TPST1: variants seen among roughly 807,000 people sequenced by gnomAD.
TPST1 encodes the protein protein-tyrosine sulfotransferase 1.
TPST1 carries 20 observed loss-of-function variants against 34.8 expected under a neutral mutation model. That is an observed-to-expected ratio of 0.57 (90% CI 0.40 to 0.84). The LOEUF is 0.84. Among genes scored for constraint, TPST1 ranks in the 40% least tolerant of loss-of-function variants. TPST1 has a pLI of 0.00. For synonymous variants in TPST1, 152 were observed against 159.4 expected, an observed-to-expected ratio of 0.95 and a Z score of 0.35; for missense variants, 353 against 455.5, an observed-to-expected ratio of 0.78 and a Z score of 2.05.
intron 3 of TPST1, among the ~76,000 whole-genome samples, chr7:66,337,442 G>A (rs1792143735): frequency 1.3e-5 from 2 of 151,584 alleles, no homozygotes. Context: ...CCGAGTAACT[G>A]GGATTACAGA....
chr7:66,259,054 A>G (rs982940411), intron 2 of TPST1, among the ~76,000 whole-genome samples: 2 of 152,202 alleles, frequency 1.3e-5, no homozygotes, highest in African/African-American at 4.8e-5. Flanking sequence ...ACCTGCTGTC[A>G]ATAATTGTCA....
chr7:66,241,362 G>A (rs1262509959), intron 2 of TPST1, 92 bp downstream of exon 2: 25 of 1,432,868 alleles, frequency 1.7e-5, no homozygotes, highest in Non-Finnish European at 2.3e-5. Context: ...ATATATGTGT[G>A]TATGTTCCTG....
intron 3 of TPST1, among the ~76,000 whole-genome samples, chr7:66,303,241 G>A (rs1455558686): frequency 1.3e-5 from 2 of 151,090 alleles, no homozygotes; most frequent in Non-Finnish European, 2.9e-5. Context: ...TCTTTGTTTA[G>A]TTAAAGTAAC....
chr7:66,321,470 C>T (rs1283044236), intron 3 of TPST1, among the ~76,000 whole-genome samples: 2 of 152,214 alleles, frequency 1.3e-5, no homozygotes, highest in Non-Finnish European at 2.9e-5. Context: ...GGCCCAAGGC[C>T]TCAGACACAT....
intron 1 of TPST1, among the ~76,000 whole-genome samples, chr7:66,212,815 C>T (rs1562797053): frequency 6.6e-6 from 1 of 151,960 alleles, no homozygotes; most frequent in African/African-American, 2.4e-5. Flanking sequence ...ATCTTTTGTT[C>T]TTTGTTTTTT....
chr7:66,320,101 A>G (rs1224449078), intron 3 of TPST1, among the ~76,000 whole-genome samples: 1 of 152,112 alleles, frequency 6.6e-6, no homozygotes, highest in Non-Finnish European at 1.5e-5. Flanking sequence ...ACATTCCACA[A>G]TTCCCAATTA....
At position 66,348,247 on chromosome 7, in the gene TPST1, T is replaced by C. The variant is rs141129506; in HGVS notation, c.1045-4258T>C. 1.4e-3 allele frequency among the ~76,000 whole-genome samples: 216 copies of C among 152,326 alleles called. 1 individual carries two copies. The highest frequency in any genetic ancestry group is 4.7e-3 in the African/African-American group (194 of 41,562). On this transcript the variant is annotated intron_variant, in intron 3 of 5. Coordinates refer to ENST00000304842, the MANE Select transcript of TPST1 (RefSeq NM_003596.4). Reference sequence around the variant, plus strand: ...TTATCTCTTCTCTGGATTATTGCTATAGACTCCATACTACAGTCTAAACAG... The same window carrying C: ...TTATCTCTTCTCTGGATTATTGCTACAGACTCCATACTACAGTCTAAACAG...
chr7:66,310,751 T>C (rs1309021827), intron 3 of TPST1, among the ~76,000 whole-genome samples: 1 of 152,208 alleles, frequency 6.6e-6, no homozygotes, highest in East Asian at 1.9e-4. Flanking sequence ...ATTTGAAGTA[T>C]GATAAATTTT....
At chr7:66,271,112 T>G (rs1252276945) in intron 2 of TPST1, among the ~76,000 whole-genome samples, 1 of 152,122 alleles carries the variant, frequency 6.6e-6, no homozygotes, top group East Asian at 1.9e-4. Context: ...GAGACCAATT[T>G]TATATGTTTC....
intron 2 of TPST1, among the ~76,000 whole-genome samples, chr7:66,254,635 C>T (rs1295407650): frequency 2.0e-5 from 3 of 152,140 alleles, no homozygotes; most frequent in Non-Finnish European, 4.4e-5. Flanking sequence ...AACTACTGAA[C>T]TCAGGTGATG....
chr7:66,229,117 CT>C lies in TPST1; in HGVS notation c.-101-11197del, dbSNP rs35107589. ...ATGAAAGGAATAATTTTGAGACTGG[CT>C]TTTTTTTTTTCTGAGACAGTCTCGC... On this transcript the variant is annotated intron_variant, in intron 1 of 5. Transcript: ENST00000304842. Among the ~76,000 whole-genome samples, 77 of 148,144 alleles carry C rather than the reference CT, an allele frequency of 5.2e-4. 1 individual carries two copies. In the South Asian group the frequency reaches 0.014, roughly 28 times the overall value.
At chr7:66,253,244 C>T (rs1790304457) in intron 2 of TPST1, among the ~76,000 whole-genome samples, 1 of 152,060 alleles carries the variant, frequency 6.6e-6, no homozygotes, top group African/African-American at 2.4e-5. Context: ...GAGATTTGGG[C>T]ATCTGTGGAT....
intron 3 of TPST1, among the ~76,000 whole-genome samples, chr7:66,320,245 C>CT (rs569746911): frequency 0.017 from 2,127 of 126,338 alleles, 49 homozygotes; most frequent in African/African-American, 0.024. Context: ...TTTTCTTTTT[C>CT]TTTTTTTTTT....
chr7:66,235,882 G>T (rs1214597118), intron 1 of TPST1, among the ~76,000 whole-genome samples: 1 of 152,184 alleles, frequency 6.6e-6, no homozygotes, highest in Non-Finnish European at 1.5e-5. Context: ...CCAGGTCACT[G>T]ATAGGTGAGA....
At chr7:66,241,769 G>A (rs1406227298) in intron 2 of TPST1, among the ~76,000 whole-genome samples, 3 of 152,154 alleles carry the variant, frequency 2.0e-5, no homozygotes, top group African/African-American at 2.4e-5. Context: ...TAAAAGCTTC[G>A]TCTAACCTAA....
the TPST1 span, among the ~76,000 whole-genome samples, chr7:66,199,115 A>G: frequency 6.6e-6 from 1 of 152,000 alleles, no homozygotes; most frequent in African/African-American, 2.4e-5. Flanking sequence ...GAGTGACCCA[A>G]GTGTCCTCCT....
intron 3 of TPST1, among the ~76,000 whole-genome samples, chr7:66,349,762 C>G (rs994497559): frequency 1.3e-5 from 2 of 152,036 alleles, no homozygotes; most frequent in African/African-American, 4.8e-5. Context: ...GACTTCATTT[C>G]TTGAATAGAG....
At chr7:66,341,309 C>T (rs972988758) in intron 3 of TPST1, among the ~76,000 whole-genome samples, 13 of 152,078 alleles carry the variant, frequency 8.5e-5, no homozygotes, top group Admixed American at 2.0e-4. Context: ...GACAGAGTCT[C>T]GCTCTGTTGC....
At chr7:66,357,220 C>G (rs1792599587) in intron 5 of TPST1, among the ~76,000 whole-genome samples, 1 of 152,188 alleles carries the variant, frequency 6.6e-6, no homozygotes, top group Admixed American at 6.5e-5. Context: ...TCCCTGTTTA[C>G]TGATAAGGAA....
Sources: gnomAD v4.1 joint callset for allele counts (sites outside exome capture counted in the v4.1 genomes callset) on GRCh38, gnomAD v4.1.1 for gene constraint, MANE v1.5 for transcripts, NCBI Gene and HGNC (gene_info 2026-07-23, HGNC 2026-07-21) for gene names.